Variants in CLEC16A observed in about 807,000 individuals in gnomAD.
CLEC16A encodes the protein protein CLEC16A.
CLEC16A carries 51 observed loss-of-function variants against 109.5 expected under a neutral mutation model. The observed-to-expected ratio is 0.47, with a 90% CI of 0.37 to 0.59. CLEC16A has a LOEUF of 0.59. CLEC16A is among the 20% of genes least tolerant of loss of function. The probability of loss-of-function intolerance (pLI) is 0.00; values close to 1 mark genes in which losing one functional copy is unlikely to be tolerated. For missense variants in CLEC16A, 1,339 were observed against 1,394.0 expected, an observed-to-expected ratio of 0.96 and a Z score of 0.63; for synonymous variants, 673 against 564.2, an observed-to-expected ratio of 1.19 and a Z score of -2.73.
chr16:10,957,726 C>T (rs2042058060), intron 1 of CLEC16A, 56 bp from the exon 2 acceptor site: 1 of 1,587,412 alleles, frequency 6.3e-7, no homozygotes, highest in South Asian at 1.1e-5. Context: ...GGTCATGGAA[C>T]TTGGCTTGCA....
chr16:11,175,683 G>A (rs889688507), intron 23 of CLEC16A, among the ~76,000 whole-genome samples: 8 of 152,182 alleles, frequency 5.3e-5, no homozygotes, highest in African/African-American at 1.2e-4. Flanking sequence ...TACTTTTAGC[G>A]GGGAAACCAA....
At chr16:10,986,080 G>C (rs969579680) in intron 10 of CLEC16A, among the ~76,000 whole-genome samples, 17 of 134,948 alleles carry the variant, frequency 1.3e-4, no homozygotes, top group African/African-American at 5.0e-4. Flanking sequence ...GCCCAGGCTG[G>C]AGTACAGCGG....
At chr16:10,951,415 G>A (rs1315282077) in intron 1 of CLEC16A, among the ~76,000 whole-genome samples, 1 of 152,080 alleles carries the variant, frequency 6.6e-6, no homozygotes, top group Non-Finnish European at 1.5e-5. Flanking sequence ...TGTGTGTTAG[G>A]CATTCATAAC....
chr16:11,107,712 C>T (rs748614555), intron 19 of CLEC16A, among the ~76,000 whole-genome samples: 12 of 152,226 alleles, frequency 7.9e-5, no homozygotes, highest in Non-Finnish European at 1.8e-4. Context: ...GTCACTCCAG[C>T]TCTGCTGGGC....
At chr16:11,148,224 G>A (rs944534451) in intron 22 of CLEC16A, among the ~76,000 whole-genome samples, 6 of 152,130 alleles carry the variant, frequency 3.9e-5, no homozygotes, top group African/African-American at 9.7e-5. Flanking sequence ...TTGTTGTTCC[G>A]GAACTTATTT....
At chr16:11,130,073 C>T (rs941108508) in intron 22 of CLEC16A, among the ~76,000 whole-genome samples, 4 of 152,128 alleles carry the variant, frequency 2.6e-5, no homozygotes, top group Admixed American at 1.3e-4. Context: ...AGCCTGGTTC[C>T]GTTTATCCAC....
At chr16:10,981,110 C>T (rs950826240) in intron 9 of CLEC16A, among the ~76,000 whole-genome samples, 1 of 152,208 alleles carries the variant, frequency 6.6e-6, no homozygotes, top group Non-Finnish European at 1.5e-5. Flanking sequence ...GAAATGAGCA[C>T]TGTGTGTGTC....
chr16:11,047,388 C>G (rs1239304874), intron 17 of CLEC16A, 46 bp downstream of exon 17: 1 of 1,469,128 alleles, frequency 6.8e-7, no homozygotes, highest in Non-Finnish European at 9.2e-7. Context: ...GCGCCTGTGT[C>G]CCTGCCAAGC....
chr16:11,145,842 C>T (rs906082640), intron 22 of CLEC16A, among the ~76,000 whole-genome samples: 4 of 152,236 alleles, frequency 2.6e-5, no homozygotes, highest in African/African-American at 9.6e-5. Context: ...CAAGTGTCTC[C>T]TCTACTTAGA....
chr16:11,073,587 G>A (rs917235310), intron 19 of CLEC16A, among the ~76,000 whole-genome samples: 7 of 152,104 alleles, frequency 4.6e-5, no homozygotes, highest in East Asian at 1.9e-4. Context: ...AGCTACCCAC[G>A]ACACTCCTCT....
chr16:11,062,899 G>T (rs115333130), intron 19 of CLEC16A, among the ~76,000 whole-genome samples: 512 of 150,360 alleles, frequency 3.4e-3, no homozygotes, highest in African/African-American at 0.012. Flanking sequence ...TTGGGGGGGT[G>T]GGGGAGGGCA....
intron 22 of CLEC16A, among the ~76,000 whole-genome samples, chr16:11,149,231 C>T (rs935447283): frequency 6.6e-6 from 1 of 152,018 alleles, no homozygotes; most frequent in Non-Finnish European, 1.5e-5. Context: ...CACTGAGGCC[C>T]TGGGGATGAG....
intron 7 of CLEC16A, among the ~76,000 whole-genome samples, chr16:10,973,533 T>C (rs899357009): frequency 1.3e-5 from 2 of 152,142 alleles, no homozygotes; most frequent in Non-Finnish European, 1.5e-5. Flanking sequence ...TAGGATGTTG[T>C]GTGGGGACAT....
At chr16:11,115,882 T>C (rs9921287) in intron 19 of CLEC16A, among the ~76,000 whole-genome samples, 67,871 of 150,796 alleles carry the variant, frequency 0.45, 15,450 homozygotes, top group African/African-American at 0.52. Context: ...TTAAAACATA[T>C]ATATTATAAA....
At chr16:11,033,576 G>T (rs996382154) in intron 13 of CLEC16A, among the ~76,000 whole-genome samples, 3 of 152,110 alleles carry the variant, frequency 2.0e-5, no homozygotes, top group African/African-American at 7.2e-5. Flanking sequence ...TTGGTTTTTG[G>T]TTATGCAGCA....
At chr16:11,157,037 G>A (rs1397673522) in intron 22 of CLEC16A, 12 of 1,295,794 alleles carry the variant, frequency 9.3e-6, no homozygotes, top group Non-Finnish European at 1.2e-5. Context: ...GACACAGAGA[G>A]AAAGCAAGAT....
At chr16:11,062,263 C>T (rs2048522535) in intron 19 of CLEC16A, among the ~76,000 whole-genome samples, 1 of 152,132 alleles carries the variant, frequency 6.6e-6, no homozygotes. Context: ...CACAGGGCCA[C>T]TCTCTGTAGC....
At chr16:11,031,408 G>A (rs1309472775) in intron 13 of CLEC16A, among the ~76,000 whole-genome samples, 3 of 152,192 alleles carry the variant, frequency 2.0e-5, no homozygotes, top group Non-Finnish European at 2.9e-5. Flanking sequence ...GGCTTACTGG[G>A]TGTGCTGCCA....
chr16:11,115,029 C>G (rs371231823), intron 19 of CLEC16A, among the ~76,000 whole-genome samples: 5 of 152,300 alleles, frequency 3.3e-5, no homozygotes, highest in African/African-American at 9.6e-5. Context: ...GGGTTTTATC[C>G]TTCCTTTTTT....
Sources: gnomAD v4.1 joint callset for allele counts (sites outside exome capture counted in the v4.1 genomes callset) on GRCh38, gnomAD v4.1.1 for gene constraint, MANE v1.5 for transcripts, NCBI Gene and HGNC (gene_info 2026-07-23, HGNC 2026-07-21) for gene names.